PDE1C: variants seen among roughly 807,000 people sequenced by gnomAD.
PDE1C encodes the protein phosphodiesterase 1C.
PDE1C carries 62 observed loss-of-function variants against 93.1 expected under a neutral mutation model. The ratio of observed to expected loss-of-function variants is 0.67; its 90% CI spans 0.54 to 0.82. PDE1C has a LOEUF of 0.82. Ranked by LOEUF, PDE1C falls within the 40% of genes least tolerant of loss-of-function variation. The pLI, the probability that PDE1C is intolerant of heterozygous loss-of-function variation, is 0.00. For synonymous variants in PDE1C, 325 were observed against 310.1 expected, an observed-to-expected ratio of 1.05 and a Z score of -0.50; for missense variants, 742 against 884.6, an observed-to-expected ratio of 0.84 and a Z score of 2.04.
intron 16 of PDE1C, chr7:31,789,932 A>G: frequency 3.4e-6 from 4 of 1,160,720 alleles, no homozygotes; most frequent in Non-Finnish European, 4.2e-6. Context: ...AAGCCAGGTC[A>G]TTAGCAAAGG....
At chr7:31,641,141 GT>G in the PDE1C span, among the ~76,000 whole-genome samples, 1 of 152,272 alleles carries the variant, frequency 6.6e-6, no homozygotes, top group African/African-American at 2.4e-5. Flanking sequence ...GCTCTTGTGA[GT>G]GGAACTGTCC....
At chr7:32,154,770 G>C (rs962578592) in intron 3 of PDE1C, among the ~76,000 whole-genome samples, 2 of 152,236 alleles carry the variant, frequency 1.3e-5, no homozygotes, top group Non-Finnish European at 2.9e-5. Context: ...AGCAGAGAAA[G>C]GGCTCTGGTG....
chr7:31,804,486 A>G (rs1786527048), intron 16 of PDE1C, among the ~76,000 whole-genome samples: 1 of 151,756 alleles, frequency 6.6e-6, no homozygotes, highest in Non-Finnish European at 1.5e-5. Flanking sequence ...ATATTTTCTA[A>G]GACTCCCAGG....
chr7:32,345,233 C>T (rs1783829687), intron 1 of PDE1C, among the ~76,000 whole-genome samples: 1 of 152,164 alleles, frequency 6.6e-6, no homozygotes, highest in African/African-American at 2.4e-5. Flanking sequence ...CTAAGCAATG[C>T]CCATGAGCCC....
chr7:31,744,200 C>A, the PDE1C span, among the ~76,000 whole-genome samples: 1 of 151,812 alleles, frequency 6.6e-6, no homozygotes, highest in East Asian at 1.9e-4. Flanking sequence ...CCTACAGTTC[C>A]TCTCACACTA....
At chr7:31,672,540 CCTT>C in the PDE1C span, among the ~76,000 whole-genome samples, 1 of 151,948 alleles carries the variant, frequency 6.6e-6, no homozygotes, top group African/African-American at 2.4e-5. Flanking sequence ...ACATTTTTGA[CCTT>C]CTCTGATTTC....
chr7:32,034,054 CTGTGTGTGTGTG>C (rs5883321), intron 2 of PDE1C, among the ~76,000 whole-genome samples: 46 of 148,396 alleles, frequency 3.1e-4, no homozygotes, highest in Non-Finnish European at 4.6e-4. Flanking sequence ...AGATGAGAGA[CTGTGTGTGTGTG>C]TGTGTGTGTG....
At chr7:31,989,233 G>A (rs984214308) in intron 2 of PDE1C, among the ~76,000 whole-genome samples, 1 of 151,794 alleles carries the variant, frequency 6.6e-6, no homozygotes, top group African/African-American at 2.4e-5. Flanking sequence ...TTGTGTTAAG[G>A]TCATATCCTC....
At chr7:32,253,635 T>A (rs1019182475) in intron 1 of PDE1C, among the ~76,000 whole-genome samples, 1 of 152,214 alleles carries the variant, frequency 6.6e-6, no homozygotes, top group Non-Finnish European at 1.5e-5. Flanking sequence ...AAAGCCAAGA[T>A]GATTTCAGTC....
At chr7:32,019,086 T>C (rs1788296994) in intron 2 of PDE1C, among the ~76,000 whole-genome samples, 1 of 144,446 alleles carries the variant, frequency 6.9e-6, no homozygotes, top group Non-Finnish European at 1.5e-5. Context: ...GGCCCAAAGG[T>C]AATCAAACCC....
intron 2 of PDE1C, among the ~76,000 whole-genome samples, chr7:31,927,781 A>C (rs1803596080): frequency 6.6e-6 from 1 of 152,128 alleles, no homozygotes; most frequent in African/African-American, 2.4e-5. Context: ...ACCCCATCCA[A>C]AGGCCATCAG....
At chr7:31,982,174 C>T (rs1035867467) in intron 2 of PDE1C, among the ~76,000 whole-genome samples, 2 of 152,224 alleles carry the variant, frequency 1.3e-5, no homozygotes, top group African/African-American at 2.4e-5. Flanking sequence ...AGGAATCGTT[C>T]TCAACTGCAC....
Position 31,894,936 on chromosome 7 carries a change from G to A in PDE1C, c.129-14076C>T, listed in dbSNP as rs147890563. Among the ~76,000 whole-genome samples, 385 of 152,316 alleles carry A rather than the reference G, an allele frequency of 2.5e-3. 2 individuals are homozygous for A. Among genetic ancestry groups the A allele is most frequent in the African/African-American group, 8.7e-3 (363 of 41,564 alleles). ...GGCAAGAGATTGTTAGACAGGGCAA[G>A]GAGAGAATGGATAGCTGGGGAATTT... On this transcript the variant is annotated intron_variant, in intron 2 of 17. Coordinates refer to ENST00000396191, the MANE Select transcript of PDE1C (RefSeq NM_001191057.4).
chr7:31,811,737 T>C (rs1222703049), intron 15 of PDE1C, among the ~76,000 whole-genome samples: 1 of 152,062 alleles, frequency 6.6e-6, no homozygotes, highest in Non-Finnish European at 1.5e-5. Flanking sequence ...ATGGTTCCCT[T>C]TGCTGGTTGC....
intron 1 of PDE1C, among the ~76,000 whole-genome samples, chr7:32,245,833 G>A (rs1808888628): frequency 6.6e-6 from 1 of 152,090 alleles, no homozygotes; most frequent in Non-Finnish European, 1.5e-5. Context: ...CAAGCGCTCT[G>A]GGGTCTCTTT....
chr7:32,251,343 A>G (rs1406521313), intron 1 of PDE1C, among the ~76,000 whole-genome samples: 2 of 152,172 alleles, frequency 1.3e-5, no homozygotes, highest in African/African-American at 2.4e-5. Context: ...CTCTAAACAT[A>G]GCATAAGTGG....
chr7:32,298,556 T>G, intron 1 of PDE1C: 3 of 1,366,176 alleles, frequency 2.2e-6, no homozygotes, highest in South Asian at 1.3e-5. Context: ...GCCCGACCCC[T>G]GAGCTCCCCC....
chr7:31,693,458 A>G, the PDE1C span, among the ~76,000 whole-genome samples: 1 of 152,220 alleles, frequency 6.6e-6, no homozygotes, highest in Non-Finnish European at 1.5e-5. Flanking sequence ...CATAGTCCCA[A>G]GAGGCTGGGT....
At chr7:31,863,498 C>T (rs983123926) in intron 7 of PDE1C, among the ~76,000 whole-genome samples, 1 of 152,124 alleles carries the variant, frequency 6.6e-6, no homozygotes, top group Non-Finnish European at 1.5e-5. Flanking sequence ...ACGGAACCAT[C>T]ATTCAATATG....
Sources: gnomAD v4.1 joint callset for allele counts (sites outside exome capture counted in the v4.1 genomes callset) on GRCh38, gnomAD v4.1.1 for gene constraint, MANE v1.5 for transcripts, NCBI Gene and HGNC (gene_info 2026-07-23, HGNC 2026-07-21) for gene names.